GDI2: variants seen among roughly 807,000 people sequenced by gnomAD.
GDI2 encodes rab GDP dissociation inhibitor beta.
GDI2 carries 22 observed loss-of-function variants against 54.2 expected under a neutral mutation model. That is an observed-to-expected ratio of 0.41 (90% CI 0.29 to 0.58). The LOEUF (loss-of-function observed/expected upper bound fraction) is 0.58. Among genes scored for constraint, GDI2 ranks in the 20% least tolerant of loss-of-function variants. The pLI is 0.35. For missense variants in GDI2, 422 were observed against 546.0 expected (o/e 0.77, Z 2.26); for synonymous variants, 177 against 182.1 (o/e 0.97, Z 0.23).
Position 5,768,517 on chromosome 10 carries a change from G to A in GDI2, c.820-133C>T. 1 of 626,314 alleles carries A rather than the reference G, an allele frequency of 1.6e-6. No individual in the cohort carries two copies. The highest frequency in any genetic ancestry group is 2.8e-6 in the Non-Finnish European group (1 of 360,420). The allele number at this position is 626,314 out of a possible 1,614,324, so 38.8% of individuals were successfully genotyped here. On this transcript the variant is annotated intron_variant, in intron 7 of 10. Coordinates refer to ENST00000380191, the MANE Select transcript of GDI2 (RefSeq NM_001494.4). The surrounding 1 kb of genome is among the most constrained non-coding windows in gnomAD (Gnocchi z 4.4). ...CCTCAAGTTCATATTGGTTCCCAAG[G>A]GATTGAATTCTGGAACAACCAAAAC...
At position 5,785,284 on chromosome 10, in the gene GDI2, G is replaced by T; in HGVS notation, c.588-11C>A. On this transcript the variant is annotated splice_polypyrimidine_tract_variant and intron_variant, in intron 5 of 10. Transcript: ENST00000380191. ...GGTTGATCTAAGTAACTGGAAGAAAGGAAATGAGTATTAGGAAAGGGCTTT... is the reference window on the plus strand; with the variant it reads ...GGTTGATCTAAGTAACTGGAAGAAATGAAATGAGTATTAGGAAAGGGCTTT... 1 of 1,572,956 alleles carries T rather than the reference G, an allele frequency of 6.4e-7. No individual in the cohort carries two copies. Among genetic ancestry groups the T allele is most frequent in the Non-Finnish European group, 8.7e-7 (1 of 1,148,586 alleles).
chr10:5,777,529 G>C (rs1301312255), intron 6 of GDI2, among the ~76,000 whole-genome samples: 1 of 152,174 alleles, frequency 6.6e-6, no homozygotes, highest in East Asian at 1.9e-4. Context: ...ATGAAAAAAA[G>C]CTCATCATCA....
At chr10:5,775,207 G>GAA (rs899260770) in intron 6 of GDI2, among the ~76,000 whole-genome samples, 1 of 152,106 alleles carries the variant, frequency 6.6e-6, no homozygotes, top group African/African-American at 2.4e-5. Context: ...AGCATCACTT[G>GAA]AGCCTGAGAG....
At chr10:5,808,182 C>T (rs1485973938) in intron 1 of GDI2, among the ~76,000 whole-genome samples, 2 of 151,898 alleles carry the variant, frequency 1.3e-5, no homozygotes, top group East Asian at 1.9e-4. Context: ...ACAAAAAATA[C>T]CCAAACTACA....
chr10:5,768,036 T>C lies in GDI2; in HGVS notation c.991+177A>G, dbSNP rs1229325821. Among the ~76,000 whole-genome samples, 2 of 152,246 alleles carry C rather than the reference T, an allele frequency of 1.3e-5. No homozygotes were observed. On this transcript the variant is annotated intron_variant, in intron 8 of 10. Transcript: ENST00000380191. This position sits in a 1 kb window ranked among gnomAD's most constrained non-coding sequence, Gnocchi z 4.4. ...TCCAAGGCTGGCTCCGAGTTGAATC[T>C]GTCCGCGTTGACACAATGCTGCCGG...
At chr10:5,781,625 CA>C (rs34913780) in intron 6 of GDI2, among the ~76,000 whole-genome samples, 33,131 of 97,192 alleles carry the variant, frequency 0.34, 3,186 homozygotes, top group East Asian at 0.42. Context: ...ACTCTGTCTC[CA>C]AAAAAAAAAA....
chr10:5,779,164 T>C (rs1372842701), intron 6 of GDI2, among the ~76,000 whole-genome samples: 2 of 152,176 alleles, frequency 1.3e-5, no homozygotes, highest in Non-Finnish European at 2.9e-5. Context: ...CAAGGATAAA[T>C]ATGTTGTTAT....
At chr10:5,773,528 T>C (rs1280701453) in intron 7 of GDI2, among the ~76,000 whole-genome samples, 1 of 152,164 alleles carries the variant, frequency 6.6e-6, no homozygotes, top group African/African-American at 2.4e-5. Context: ...CCCGTGTAGG[T>C]GGCCTGCAAG....
chr10:5,768,139 G>C lies in GDI2; in HGVS notation c.991+74C>G, dbSNP rs188292718. On this transcript the variant is annotated intron_variant, in intron 8 of 10. Transcript: ENST00000380191. This position sits in a 1 kb window ranked among gnomAD's most constrained non-coding sequence, Gnocchi z 4.4. ...TCACTAATACAGCATACAAAATTAG[G>C]AATTTGGGATAAAACACAAAGCAAA... 9.5e-6 allele frequency: 12 copies of C among 1,268,392 alleles called. No homozygotes were observed. In the East Asian group the frequency reaches 1.9e-4, roughly 20 times the overall value. The allele number at this position is 1,268,392 out of a possible 1,614,324, so 78.6% of individuals were successfully genotyped here. A position where few individuals can be genotyped will look rare whatever the true frequency, so the allele number is the denominator to read the frequency against.
chr10:5,782,096 C>T (rs560075614), intron 6 of GDI2, among the ~76,000 whole-genome samples: 9 of 152,280 alleles, frequency 5.9e-5, no homozygotes, highest in South Asian at 2.1e-4. Context: ...TGACAAAAGA[C>T]TTGCCACCAT....
At chr10:5,777,158 T>A (rs1040549490) in intron 6 of GDI2, among the ~76,000 whole-genome samples, 3 of 152,196 alleles carry the variant, frequency 2.0e-5, no homozygotes, top group Admixed American at 2.0e-4. Flanking sequence ...CAATTACTTG[T>A]CTTGTCTTCA....
intron 1 of GDI2, among the ~76,000 whole-genome samples, chr10:5,812,312 T>C (rs910294844): frequency 1.3e-5 from 2 of 152,150 alleles, no homozygotes; most frequent in East Asian, 1.9e-4. Context: ...AAAATCAATA[T>C]ACCATGATAT....
chr10:5,778,765 T>C (rs773812674), intron 6 of GDI2, among the ~76,000 whole-genome samples: 7 of 152,158 alleles, frequency 4.6e-5, no homozygotes, highest in Admixed American at 1.3e-4. Context: ...AATCAATAAA[T>C]TGTGATTTAA....
At chr10:5,791,766 A>AG (rs1841020105) in intron 4 of GDI2, among the ~76,000 whole-genome samples, 1 of 137,830 alleles carries the variant, frequency 7.3e-6, no homozygotes, top group Non-Finnish European at 1.6e-5. Flanking sequence ...AAAAAAAAAA[A>AG]TAAGCCAGGT....
At chr10:5,808,900 G>A (rs938872892) in intron 1 of GDI2, among the ~76,000 whole-genome samples, 1 of 152,074 alleles carries the variant, frequency 6.6e-6, no homozygotes, top group Non-Finnish European at 1.5e-5. Flanking sequence ...AAAAATGGCT[G>A]TTTTATGAAG....
Position 5,765,768 on chromosome 10 carries a change from G to GAAAA in GDI2, c.*234_*237dup. 9.6e-6 allele frequency: 3 copies of GAAAA among 311,744 alleles called. No individual in the cohort carries two copies. Among genetic ancestry groups the GAAAA allele is most frequent in the East Asian group, 6.3e-5 (1 of 15,750 alleles). 19.3% of individuals were successfully genotyped at this position (311,744 alleles called of 1,614,324 possible). Reference sequence around the variant, plus strand: ...TCCCAATGTTTGTTTAACTTCACTAGAAAAAAAAAAAGCCAGTTTGGTTAA... The same window carrying GAAAA: ...TCCCAATGTTTGTTTAACTTCACTAGAAAAAAAAAAAAAAAGCCAGTTTGGTTAA... On this transcript the variant is annotated 3_prime_UTR_variant, in exon 11 of 11. Coordinates refer to ENST00000380191, the MANE Select transcript of GDI2 (RefSeq NM_001494.4).
rs1840422849 is a variant in GDI2, at chr10:5,768,975, T to C, written c.820-591A>G. Reference sequence around the variant, plus strand: ...AAGGAAAGAATTCATGAAAACAGGATTTCATGAAAATTTTAAAAATCTTGT... The same window carrying C: ...AAGGAAAGAATTCATGAAAACAGGACTTCATGAAAATTTTAAAAATCTTGT... On this transcript the variant is annotated intron_variant, in intron 7 of 10. Transcript: ENST00000380191. This position sits in a 1 kb window ranked among gnomAD's most constrained non-coding sequence, Gnocchi z 4.4. The C allele has an allele frequency of 6.6e-6, 1 of 152,068 alleles. No individual in the cohort carries two copies. Among genetic ancestry groups the C allele is most frequent in the Non-Finnish European group, 1.5e-5 (1 of 68,012 alleles). 9.4% of individuals were successfully genotyped at this position (152,068 alleles called of 1,614,324 possible).
intron 1 of GDI2, among the ~76,000 whole-genome samples, chr10:5,806,704 G>T (rs1341830079): frequency 1.3e-5 from 2 of 151,974 alleles, no homozygotes; most frequent in African/African-American, 4.8e-5. Flanking sequence ...TTACTTTTGG[G>T]GGGTGGGGGA....
intron 4 of GDI2, among the ~76,000 whole-genome samples, chr10:5,788,730 A>T (rs1443408069): frequency 2.0e-5 from 3 of 152,070 alleles, no homozygotes; most frequent in African/African-American, 7.2e-5. Flanking sequence ...TTTTCTTGTC[A>T]ATAAATGTAC....
Sources: gnomAD v4.1 joint callset for allele counts (sites outside exome capture counted in the v4.1 genomes callset) on GRCh38, gnomAD v4.1.1 for gene constraint, Gnocchi (gnomAD v3.1) non-coding constraint, MANE v1.5 for transcripts, NCBI Gene and HGNC (gene_info 2026-07-23, HGNC 2026-07-21) for gene names.